MTAP: variants seen among roughly 807,000 people sequenced by gnomAD.
The protein encoded by MTAP is methylthioadenosine phosphorylase.
A neutral mutation model predicts 33.6 loss-of-function variants in MTAP; 33 were observed. The ratio of observed to expected loss-of-function variants is 0.98; its 90% confidence interval spans 0.74 to 1.31. The LOEUF (loss-of-function observed/expected upper bound fraction) is 1.31. MTAP is among the 40% of genes most tolerant of loss of function. The probability of loss-of-function intolerance (pLI) is 0.00; values close to 1 mark genes in which losing one functional copy is unlikely to be tolerated. For synonymous variants in MTAP, 148 were observed against 125.7 expected, an observed-to-expected ratio of 1.18 and a Z score of -1.19; for missense variants, 367 against 360.0, an observed-to-expected ratio of 1.02 and a Z score of -0.16.
At chr9:21,808,632 T>G (rs1824269352) in intron 1 of MTAP, among the ~76,000 whole-genome samples, 1 of 151,556 alleles carries the variant, frequency 6.6e-6, no homozygotes, top group Non-Finnish European at 1.5e-5. Context: ...ACAAACGTAT[T>G]CTCTTACAGT....
intron 3 of MTAP, among the ~76,000 whole-genome samples, chr9:21,817,268 A>G (rs1824498560): frequency 6.6e-6 from 1 of 152,160 alleles, no homozygotes; most frequent in Non-Finnish European, 1.5e-5. Flanking sequence ...GTCAAGATAT[A>G]TGTATGAGTT....
At chr9:21,830,208 T>C (rs368053946) in intron 4 of MTAP, among the ~76,000 whole-genome samples, 43 of 152,362 alleles carry the variant, frequency 2.8e-4, no homozygotes, top group Middle Eastern at 6.8e-3. Flanking sequence ...AAGAATGTGT[T>C]ATATTTTTCA....
chr9:21,897,825 C>T (rs1372797544), intron 1 of MTAP, among the ~76,000 whole-genome samples: 2 of 152,160 alleles, frequency 1.3e-5, no homozygotes, highest in South Asian at 4.1e-4. Flanking sequence ...TTTATAGATT[C>T]AATGCCATCC....
chr9:21,867,645 G>A (rs1313724334), downstream of MTAP, among the ~76,000 whole-genome samples: 1 of 151,796 alleles, frequency 6.6e-6, no homozygotes, highest in Non-Finnish European at 1.5e-5. Flanking sequence ...CAGGTGTCAG[G>A]GCTTGGTTAA....
chr9:21,859,563 C>T (rs936258533), intron 7 of MTAP, 138 bp downstream of exon 7: 2 of 922,998 alleles, frequency 2.2e-6, no homozygotes, highest in African/African-American at 1.7e-5. Flanking sequence ...ACATCTACTA[C>T]TACCATACCA....
intron 4 of MTAP, among the ~76,000 whole-genome samples, chr9:21,835,769 T>G (rs751296106): frequency 6.6e-6 from 1 of 152,232 alleles, no homozygotes; most frequent in Non-Finnish European, 1.5e-5. Flanking sequence ...CAGAATTTCA[T>G]TCAGCATTAA....
intron 1 of MTAP, among the ~76,000 whole-genome samples, chr9:21,891,890 A>C (rs1818206841): frequency 6.6e-6 from 1 of 152,220 alleles, no homozygotes; most frequent in African/African-American, 2.4e-5. Context: ...TAGGAAGGTC[A>C]CTGACAAAGG....
intron 1 of MTAP, among the ~76,000 whole-genome samples, chr9:21,875,581 GTCT>G (rs1230099911): frequency 6.6e-6 from 1 of 151,988 alleles, no homozygotes; most frequent in Admixed American, 6.6e-5. Context: ...TGGCCCCAGT[GTCT>G]TCTTTGTGTC....
chr9:21,924,714 GGCCCTGGA>G (rs1414520708), intron 1 of MTAP, among the ~76,000 whole-genome samples: 2 of 151,874 alleles, frequency 1.3e-5, no homozygotes, highest in African/African-American at 2.4e-5. Flanking sequence ...CAAGTCTCCT[GGCCCTGGA>G]GCCTTCCCTT....
At chr9:21,921,225 C>CTTTTTTTTTTTTTT (rs1818782129) in intron 1 of MTAP, among the ~76,000 whole-genome samples, 2 of 151,592 alleles carry the variant, frequency 1.3e-5, no homozygotes, top group South Asian at 4.2e-4. Context: ...TTTAATGATT[C>CTTTTTTTTTTTTTT]TTTGTATTTC....
intron 1 of MTAP, among the ~76,000 whole-genome samples, chr9:21,901,740 C>T (rs993753561): frequency 2.0e-5 from 3 of 152,124 alleles, no homozygotes; most frequent in African/African-American, 7.2e-5. Flanking sequence ...TTATGAGGAA[C>T]CCACATGGGC....
chr9:21,905,528 C>CAT (rs1193191788), intron 1 of MTAP, among the ~76,000 whole-genome samples: 1 of 152,134 alleles, frequency 6.6e-6, no homozygotes, highest in East Asian at 1.9e-4. Flanking sequence ...TTTCCAGGAA[C>CAT]ATGGAAGACT....
intron 4 of MTAP, among the ~76,000 whole-genome samples, chr9:21,830,950 T>C (rs1824951524): frequency 6.7e-6 from 1 of 149,064 alleles, no homozygotes; most frequent in Admixed American, 6.7e-5. Context: ...CAGGATTGGT[T>C]TTTAATGAGA....
downstream of MTAP, among the ~76,000 whole-genome samples, chr9:21,939,705 A>T (rs916810828): frequency 2.7e-5 from 4 of 150,776 alleles, no homozygotes; most frequent in African/African-American, 4.9e-5. Flanking sequence ...CTCTATGAAA[A>T]AATAATAATA....
downstream of MTAP, among the ~76,000 whole-genome samples, chr9:21,940,093 C>T (rs1195310142): frequency 2.0e-5 from 3 of 152,104 alleles, no homozygotes; most frequent in Non-Finnish European, 4.4e-5. Context: ...CCAAGCCTGG[C>T]CAACAGGACC....
chr9:21,915,855 C>T (rs1384151776), intron 1 of MTAP, among the ~76,000 whole-genome samples: 1 of 151,980 alleles, frequency 6.6e-6, no homozygotes, highest in Non-Finnish European at 1.5e-5. Flanking sequence ...CATAGACAAA[C>T]CCTCTATGTC....
chr9:21,863,944 G>C lies in MTAP; in HGVS notation c.*1930G>C. On this transcript the variant is annotated 3_prime_UTR_variant, in exon 8 of 8. Coordinates refer to ENST00000644715, the MANE Select transcript of MTAP (RefSeq NM_002451.4). ...TGATGTAGTATTAAATTTCAACTCT[G>C]GTTATCCATTAGCAATCTGTAGAGA... The C allele has an allele frequency of 1.0e-6, 1 of 985,760 alleles. No homozygotes were observed. The allele number at this position is 985,760 out of a possible 1,614,324, so 61.1% of individuals were successfully genotyped here. A position where few individuals can be genotyped will look rare whatever the true frequency, so the allele number is the denominator to read the frequency against.
intron 1 of MTAP, among the ~76,000 whole-genome samples, chr9:21,885,820 GTA>G (rs1818099798): frequency 2.2e-5 from 3 of 137,952 alleles, no homozygotes; most frequent in South Asian, 4.6e-4. Context: ...GTGTGTGTGT[GTA>G]TACAGATCAC....
At chr9:21,918,305 C>G (rs1314782147) in intron 1 of MTAP, among the ~76,000 whole-genome samples, 6 of 120,234 alleles carry the variant, frequency 5.0e-5, no homozygotes, top group African/African-American at 1.8e-4. Flanking sequence ...AGCAGAGATC[C>G]CGCCACTGCA....
Sources: gnomAD v4.1 joint callset for allele counts (sites outside exome capture counted in the v4.1 genomes callset) on GRCh38, gnomAD v4.1.1 for gene constraint, MANE v1.5 for transcripts, NCBI Gene and HGNC (gene_info 2026-07-23, HGNC 2026-07-21) for gene names.